The following AKAP6 variants were observed in gnomAD, a reference collection of about 807,000 sequenced individuals.
The protein encoded by AKAP6 is A-kinase anchoring protein 6.
Under a neutral mutation model 188.5 loss-of-function variants are expected in AKAP6, and 58 were observed. The observed-to-expected ratio is 0.31, with a 90% CI of 0.25 to 0.38. The LOEUF is 0.38. AKAP6 is among the 10% of genes least tolerant of loss of function. AKAP6 has a pLI of 1.00. For synonymous variants in AKAP6, 989 were observed against 998.6 expected, an observed-to-expected ratio of 0.99 and a Z score of 0.18; for missense variants, 2,710 against 2,740.0, an observed-to-expected ratio of 0.99 and a Z score of 0.24.
intron 2 of AKAP6, among the ~76,000 whole-genome samples, chr14:32,445,202 T>G (rs1057188057): frequency 1.3e-5 from 2 of 152,200 alleles, no homozygotes; most frequent in African/African-American, 4.8e-5. Flanking sequence ...ATTCAGAAAT[T>G]CATACCTTGG....
At chr14:32,423,766 T>C (rs1381200662) in intron 1 of AKAP6, among the ~76,000 whole-genome samples, 1 of 152,130 alleles carries the variant, frequency 6.6e-6, no homozygotes, top group Non-Finnish European at 1.5e-5. Context: ...TTAACTAATA[T>C]TTATATATTA....
Position 32,732,572 on chromosome 14 carries a change from C to T in AKAP6, c.3119C>T (p.Ser1040Leu), listed in dbSNP as rs750694931. The change falls in exon 10 of 14, where the codon TCA becomes TTA. Residue 1040 changes from serine to leucine, a missense_variant. Physicochemically the swap from Ser to Leu is moderately radical, Grantham distance 145 (BLOSUM62 -2). Around this residue, in one of 2 missense-constraint regions of AKAP6, gnomAD observed 2,473 missense variants for 2,426.1 expected, o/e 1.02. Coordinates refer to ENST00000280979, the MANE Select transcript of AKAP6 (RefSeq NM_004274.5). The stretch of plus-strand genomic sequence containing the variant: ...AATGATCTCCTTGAAAAAGTGGATT[C>T]AATTAATGAAAAATGGGAACTGCTT... ...LPNDLLEKVD[S>L]INEKWELLGK... The T allele has an allele frequency of 6.2e-7, 1 of 1,613,396 alleles. No homozygotes were observed.
chr14:32,614,672 A>C (rs970116834), intron 7 of AKAP6, among the ~76,000 whole-genome samples: 3 of 152,090 alleles, frequency 2.0e-5, no homozygotes. Context: ...TCCTAACAGC[A>C]TCACCTGTTT....
At chr14:32,392,389 G>T (rs937264267) in intron 1 of AKAP6, among the ~76,000 whole-genome samples, 2 of 152,124 alleles carry the variant, frequency 1.3e-5, no homozygotes, top group Admixed American at 6.6e-5. Context: ...AGAATTGGAG[G>T]TGTGAATATG....
chr14:32,723,810 G>A (rs2030697397), intron 9 of AKAP6, among the ~76,000 whole-genome samples: 1 of 152,096 alleles, frequency 6.6e-6, no homozygotes, highest in Admixed American at 6.5e-5. Flanking sequence ...TAAAAAAATA[G>A]TTCTCTTTTT....
intron 5 of AKAP6, among the ~76,000 whole-genome samples, chr14:32,589,305 G>A (rs762088642): frequency 9.2e-5 from 14 of 152,182 alleles, no homozygotes; most frequent in South Asian, 2.1e-4. Flanking sequence ...AAGGGTAGTC[G>A]CAGAGAGTTT....
Position 32,821,791 on chromosome 14 carries a change from A to C in AKAP6, c.3978A>C (p.Lys1326Asn), listed in dbSNP as rs1217852815. 3.7e-6 allele frequency: 6 copies of C among 1,613,714 alleles called. No homozygotes were observed. In the Admixed American group the frequency reaches 1.0e-4, roughly 27 times the overall value. The change falls in exon 13 of 14, where the codon AAA becomes AAC. Residue 1326 changes from lysine (K) to asparagine (N), a missense_variant. Lys to Asn is a moderately conservative substitution (Grantham distance 94, BLOSUM62 0). Around this residue, in one of 2 missense-constraint regions of AKAP6, gnomAD observed 2,473 missense variants for 2,426.1 expected, o/e 1.02. Transcript: ENST00000280979. The part of the protein sequence containing the change: ...QPNVLTKSLS[K>N]DSSFSSTKSL... The stretch of plus-strand genomic sequence containing the variant: ...ATGTTTTAACTAAGAGTCTCAGTAA[A>C]GACTCTTCATTTTCATCTACCAAAT...
At chr14:32,626,275 C>T (rs754145816) in intron 7 of AKAP6, among the ~76,000 whole-genome samples, 4 of 152,104 alleles carry the variant, frequency 2.6e-5, no homozygotes, top group Admixed American at 6.6e-5. Flanking sequence ...TTGGCATTGT[C>T]TACCCCAACC....
chr14:32,654,781 C>T lies in AKAP6; in HGVS notation c.2731-23530C>T, dbSNP rs561219696. Among the ~76,000 whole-genome samples the T allele has an allele frequency of 6.9e-3, 1,038 of 151,436 alleles. 9 individuals are homozygous for T. Among genetic ancestry groups the T allele is most frequent in the Non-Finnish European group, 0.011 (766 of 67,908 alleles). The stretch of plus-strand genomic sequence containing the variant: ...GCAGGATAGCTTGAGCCTGGAATAT[C>T]GAGGCTATAGTGATCTGTGTTTGCA... On this transcript the variant is annotated intron_variant, in intron 7 of 13. Transcript: ENST00000280979.
At chr14:32,605,117 C>G (rs1886080351) in intron 7 of AKAP6, among the ~76,000 whole-genome samples, 1 of 145,776 alleles carries the variant, frequency 6.9e-6, no homozygotes, top group Non-Finnish European at 1.5e-5. Context: ...GGATAATGGA[C>G]AAGCCTTCAT....
At chr14:32,623,355 CTT>C (rs1053126902) in intron 7 of AKAP6, among the ~76,000 whole-genome samples, 1 of 152,138 alleles carries the variant, frequency 6.6e-6, no homozygotes, top group African/African-American at 2.4e-5. Flanking sequence ...ATGATTTACT[CTT>C]GTTAGTTCTA....
chr14:32,556,786 TG>T (rs932550514), intron 4 of AKAP6, among the ~76,000 whole-genome samples: 2 of 152,236 alleles, frequency 1.3e-5, no homozygotes, highest in African/African-American at 4.8e-5. Context: ...TCTTTGCTTT[TG>T]TTGCCTGTGG....
chr14:32,818,525 G>A (rs1237012655), intron 12 of AKAP6, among the ~76,000 whole-genome samples: 4 of 150,348 alleles, frequency 2.7e-5, no homozygotes, highest in African/African-American at 4.9e-5. Context: ...TTTTGTAACC[G>A]TGAAATTTTT....
chr14:32,809,216 T>G (rs1039575185), intron 12 of AKAP6, among the ~76,000 whole-genome samples: 3 of 151,972 alleles, frequency 2.0e-5, no homozygotes, highest in Admixed American at 2.0e-4. Flanking sequence ...CAGCTAGAAG[T>G]TTAAGGGGAA....
chr14:32,575,684 T>C (rs1884685446), intron 4 of AKAP6, among the ~76,000 whole-genome samples: 1 of 152,204 alleles, frequency 6.6e-6, no homozygotes, highest in South Asian at 2.1e-4. Flanking sequence ...GGTTGTGATA[T>C]GTATCCCTGG....
chr14:32,553,936 C>T (rs1027804546), intron 4 of AKAP6, among the ~76,000 whole-genome samples: 22 of 152,078 alleles, frequency 1.4e-4, no homozygotes, highest in South Asian at 4.1e-4. Flanking sequence ...AAGCCAGAAG[C>T]GAAGTCAAGT....
At chr14:32,670,748 A>G (rs1176380675) in intron 7 of AKAP6, among the ~76,000 whole-genome samples, 2 of 152,072 alleles carry the variant, frequency 1.3e-5, no homozygotes, top group Non-Finnish European at 2.9e-5. Context: ...TTCCCTGGGA[A>G]GAATAGTAAA....
chr14:32,343,228 A>AGGAG (rs1886949163), intron 1 of AKAP6, among the ~76,000 whole-genome samples: 3 of 121,418 alleles, frequency 2.5e-5, no homozygotes, highest in African/African-American at 7.5e-5. Flanking sequence ...TTCCTTGTCA[A>AGGAG]GTATACCTTC....
At chr14:32,531,918 A>G (rs1168330496) in intron 2 of AKAP6, among the ~76,000 whole-genome samples, 1 of 152,184 alleles carries the variant, frequency 6.6e-6, no homozygotes, top group African/African-American at 2.4e-5. Context: ...CAGTTTACCT[A>G]TTGAAGGTTT....
Sources: allele counts gnomAD v4.1 joint callset (sites outside exome capture counted in the v4.1 genomes callset), GRCh38; gene constraint gnomAD v4.1.1; regional missense constraint gnomAD v4.1.1; transcripts MANE v1.5; gene names NCBI Gene and HGNC (gene_info 2026-07-23, HGNC 2026-07-21).